CAPZA2: variants seen among roughly 807,000 people sequenced by gnomAD.
CAPZA2 encodes F-actin-capping protein subunit alpha-2.
A neutral mutation model predicts 44.0 loss-of-function variants in CAPZA2; 13 were observed. The ratio of observed to expected loss-of-function variants is 0.30; its 90% confidence interval spans 0.19 to 0.47. CAPZA2 has a LOEUF of 0.47. CAPZA2 is among the 20% of genes least tolerant of loss of function. The pLI is 1.00. For synonymous variants in CAPZA2, 94 were observed against 108.2 expected (o/e 0.87, Z 0.81); for missense variants, 244 against 338.6 (o/e 0.72, Z 2.19).
At chr7:116,866,303 C>A (rs1206046120) in intron 1 of CAPZA2, among the ~76,000 whole-genome samples, 4 of 152,016 alleles carry the variant, frequency 2.6e-5, no homozygotes, top group Admixed American at 2.6e-4. Flanking sequence ...TCCCGAGTAG[C>A]TGGGACTACA....
chr7:116,911,107 G>A (rs1791589942), intron 7 of CAPZA2, among the ~76,000 whole-genome samples: 1 of 151,908 alleles, frequency 6.6e-6, no homozygotes, highest in Non-Finnish European at 1.5e-5. Context: ...ATTATTGTCA[G>A]CATTATTCTT....
intron 1 of CAPZA2, among the ~76,000 whole-genome samples, chr7:116,870,045 A>G (rs1204740437): frequency 6.6e-6 from 1 of 152,090 alleles, no homozygotes; most frequent in Non-Finnish European, 1.5e-5. Context: ...CAATTAGCTA[A>G]AGCAAGTTAC....
chr7:116,863,835 T>C (rs972489713), intron 1 of CAPZA2, among the ~76,000 whole-genome samples: 2 of 152,078 alleles, frequency 1.3e-5, no homozygotes, highest in East Asian at 3.8e-4. Context: ...GATATTTTCA[T>C]TTAGGACCCT....
At chr7:116,887,982 G>A in intron 1 of CAPZA2, 145 bp from the exon 2 acceptor site, 1 of 603,626 alleles carries the variant, frequency 1.7e-6, no homozygotes, top group Non-Finnish European at 2.9e-6. Context: ...GTGATCTTAA[G>A]GTGATTGAGT....
intron 1 of CAPZA2, among the ~76,000 whole-genome samples, chr7:116,871,635 C>T (rs947723571): frequency 6.6e-6 from 1 of 152,182 alleles, no homozygotes; most frequent in African/African-American, 2.4e-5. Flanking sequence ...CCAGAAACGG[C>T]ATTTCAGTCT....
intron 1 of CAPZA2, chr7:116,886,056 C>G (rs1416338293): frequency 6.5e-6 from 1 of 154,626 alleles, no homozygotes; most frequent in East Asian, 1.9e-4. Flanking sequence ...AAGTTTGAAG[C>G]AGAATCTATG....
In CAPZA2 at chr7:116,910,260, G is replaced by T. The variant is rs1791573013; in HGVS notation, c.534G>T (p.Lys178Asn). 1.9e-6 allele frequency: 3 copies of T among 1,602,376 alleles called. No individual in the cohort carries two copies. The highest frequency in any genetic ancestry group is 2.7e-5 in the African/African-American group (2 of 74,772). Residue 178 changes from lysine to asparagine, a missense_variant, in exon 7 of 10, where the codon AAG (lysine) becomes AAT (asparagine). Coordinates refer to ENST00000361183, the MANE Select transcript of CAPZA2 (RefSeq NM_006136.3). The part of the protein sequence containing the change: ...FWNGRWRSEW[K>N]FTITPSTTQV... ...ATGGTCGTTGGAGGTCAGAATGGAA[G>T]TTTACAATCACTCCTTCAACCACTC... is the stretch of plus-strand genomic sequence containing the variant.
intron 8 of CAPZA2, among the ~76,000 whole-genome samples, chr7:116,913,801 G>A (rs1288257469): frequency 2.4e-5 from 3 of 126,160 alleles, no homozygotes; most frequent in Admixed American, 8.8e-5. Flanking sequence ...TTTTGGTAGA[G>A]ATGGGGTTTC....
At chr7:116,900,852 A>T (rs1271827057) in intron 4 of CAPZA2, among the ~76,000 whole-genome samples, 1 of 152,152 alleles carries the variant, frequency 6.6e-6, no homozygotes, top group Non-Finnish European at 1.5e-5. Flanking sequence ...GGCAAAGGAT[A>T]TGAACAGACA....
intron 6 of CAPZA2, among the ~76,000 whole-genome samples, chr7:116,909,535 A>AG (rs997619684): frequency 1.4e-4 from 22 of 152,188 alleles, no homozygotes; most frequent in African/African-American, 5.3e-4. Context: ...GCAGAGAAGG[A>AG]GGATATGCCT....
At chr7:116,865,174 CTTCTTTT>C (rs1419547298) in intron 1 of CAPZA2, among the ~76,000 whole-genome samples, 1 of 122,086 alleles carries the variant, frequency 8.2e-6, no homozygotes, top group African/African-American at 3.3e-5. Context: ...TATGCGCTCT[CTTCTTTT>C]TTTTTTTTTT....
chr7:116,909,601 T>TAA (rs992134794), intron 6 of CAPZA2, among the ~76,000 whole-genome samples: 49 of 152,168 alleles, frequency 3.2e-4, no homozygotes, highest in Non-Finnish European at 2.5e-4. Flanking sequence ...AAAACTCATG[T>TAA]TAATAAGTAT....
intron 1 of CAPZA2, chr7:116,876,322 A>G (rs1796621988): frequency 6.6e-6 from 1 of 151,306 alleles, no homozygotes; most frequent in Non-Finnish European, 1.5e-5. Flanking sequence ...CTCAGTTTCT[A>G]ATGTTTTCGT....
intron 1 of CAPZA2, among the ~76,000 whole-genome samples, chr7:116,878,831 A>G (rs960611367): frequency 1.3e-5 from 2 of 152,166 alleles, no homozygotes; most frequent in African/African-American, 4.8e-5. Flanking sequence ...TTCCAGGTCT[A>G]TATTTAAGAA....
chr7:116,870,394 A>G (rs1654195992), intron 1 of CAPZA2, among the ~76,000 whole-genome samples: 1 of 152,240 alleles, frequency 6.6e-6, no homozygotes, highest in Non-Finnish European at 1.5e-5. Context: ...AAAAGAATTC[A>G]GTTAAATAGT....
chr7:116,908,269 A>G (rs192116463), intron 6 of CAPZA2, among the ~76,000 whole-genome samples: 218 of 152,220 alleles, frequency 1.4e-3, no homozygotes, highest in African/African-American at 4.1e-3. Context: ...TCTAGAAGAA[A>G]AAAAAAAGAA....
intron 1 of CAPZA2, among the ~76,000 whole-genome samples, chr7:116,883,456 C>G (rs1167374358): frequency 2.0e-5 from 3 of 152,168 alleles, no homozygotes; most frequent in Non-Finnish European, 4.4e-5. Context: ...TTTCTTTTGT[C>G]TAGGGCCTGA....
chr7:116,874,274 C>A (rs974550315), intron 1 of CAPZA2: 1 of 153,172 alleles, frequency 6.5e-6, no homozygotes, highest in Non-Finnish European at 1.5e-5. Context: ...CACCACTACT[C>A]CACAGGATTT....
intron 9 of CAPZA2, among the ~76,000 whole-genome samples, chr7:116,916,508 G>A (rs759407818): frequency 5.3e-5 from 8 of 152,056 alleles, no homozygotes; most frequent in Non-Finnish European, 8.8e-5. Flanking sequence ...CTGTAGTGAC[G>A]AGTGCTACTC....
Sources: gnomAD v4.1 joint callset for allele counts (sites outside exome capture counted in the v4.1 genomes callset) on GRCh38, gnomAD v4.1.1 for gene constraint, MANE v1.5 for transcripts, NCBI Gene and HGNC (gene_info 2026-07-23, HGNC 2026-07-21) for gene names.